TMEM132C: variants seen among roughly 807,000 people sequenced by gnomAD.
TMEM132C encodes transmembrane protein 132C.
TMEM132C carries 29 observed loss-of-function variants against 61.4 expected under a neutral mutation model. That is an observed-to-expected ratio of 0.47 (90% CI 0.35 to 0.64). TMEM132C has a LOEUF of 0.64. Ranked by LOEUF, TMEM132C falls within the 30% of genes least tolerant of loss-of-function variation. The pLI is 0.00. For synonymous variants in TMEM132C, 656 were observed against 633.1 expected, an observed-to-expected ratio of 1.04 and a Z score of -0.54; for missense variants, 1,408 against 1,476.9, an observed-to-expected ratio of 0.95 and a Z score of 0.76.
chr12:128,595,378 T>A (rs938870605), intron 3 of TMEM132C, among the ~76,000 whole-genome samples: 4 of 152,190 alleles, frequency 2.6e-5, no homozygotes, highest in African/African-American at 4.8e-5. Context: ...TCCCAAAGTG[T>A]TGGTGCCAAA....
At chr12:128,505,837 G>A (rs1292931695) in intron 2 of TMEM132C, among the ~76,000 whole-genome samples, 1 of 152,102 alleles carries the variant, frequency 6.6e-6, no homozygotes, top group East Asian at 1.9e-4. Flanking sequence ...CCTCCCTCCT[G>A]GAAGACAGCT....
intron 2 of TMEM132C, among the ~76,000 whole-genome samples, chr12:128,475,927 G>T (rs1395304723): frequency 6.6e-6 from 1 of 152,134 alleles, no homozygotes; most frequent in East Asian, 1.9e-4. Context: ...GGAGGTAGGT[G>T]GTTCACTGTC....
intron 3 of TMEM132C, among the ~76,000 whole-genome samples, chr12:128,558,005 C>T (rs569065772): frequency 2.6e-5 from 4 of 152,310 alleles, no homozygotes; most frequent in African/African-American, 9.6e-5. Context: ...CGGTTTCGCG[C>T]ACATTAGTCA....
At chr12:128,406,990 G>C (rs925569829) in intron 1 of TMEM132C, among the ~76,000 whole-genome samples, 4 of 152,186 alleles carry the variant, frequency 2.6e-5, no homozygotes, top group African/African-American at 9.7e-5. Flanking sequence ...TAAGATTGTT[G>C]TGAAGAGCTA....
intron 4 of TMEM132C, among the ~76,000 whole-genome samples, chr12:128,633,620 C>A (rs1310758260): frequency 6.6e-6 from 1 of 152,100 alleles, no homozygotes; most frequent in Non-Finnish European, 1.5e-5. Context: ...GATCCTAAGA[C>A]CAGGAATTCT....
At chr12:128,349,372 C>T (rs1393828904) in intron 1 of TMEM132C, among the ~76,000 whole-genome samples, 1 of 152,154 alleles carries the variant, frequency 6.6e-6, no homozygotes, top group East Asian at 1.9e-4. Flanking sequence ...AGCTGCCTGC[C>T]AGGTGAGCAT....
chr12:128,602,036 C>T (rs1383783636), intron 3 of TMEM132C, among the ~76,000 whole-genome samples: 1 of 152,046 alleles, frequency 6.6e-6, no homozygotes, highest in Non-Finnish European at 1.5e-5. Flanking sequence ...CCGAGACCCT[C>T]TCTCTATAAA....
At chr12:128,298,021 C>T (rs961418925) in intron 1 of TMEM132C, among the ~76,000 whole-genome samples, 22 of 152,202 alleles carry the variant, frequency 1.4e-4, no homozygotes, top group Non-Finnish European at 3.2e-4. Flanking sequence ...GTGTGACAGC[C>T]TGTGGGGTAA....
intron 2 of TMEM132C, among the ~76,000 whole-genome samples, chr12:128,503,843 A>G (rs1466501964): frequency 6.6e-6 from 1 of 152,208 alleles, no homozygotes; most frequent in East Asian, 1.9e-4. Context: ...GGTGTTATTC[A>G]GCAAATCACC....
chr12:128,608,187 G>A (rs1374393806), intron 3 of TMEM132C, among the ~76,000 whole-genome samples: 1 of 152,206 alleles, frequency 6.6e-6, no homozygotes, highest in Non-Finnish European at 1.5e-5. Flanking sequence ...GCTTCCACTT[G>A]GTGGGTAGTC....
At position 128,311,147 on chromosome 12, in the gene TMEM132C, G is replaced by T. The variant is rs1347865844; in HGVS notation, c.85+43660G>T. On this transcript the variant is annotated intron_variant, in intron 1 of 8. Coordinates refer to ENST00000435159, the MANE Select transcript of TMEM132C (RefSeq NM_001136103.3). ...GTGTGGCTTGCCACAGAGCTAATTA[G>T]TCAGACCTAGACCGCAGAAATCTGC... Among the ~76,000 whole-genome samples, 5 of 152,240 alleles carry T rather than the reference G, an allele frequency of 3.3e-5. 1 individual carries two copies. Among genetic ancestry groups the T allele is most frequent in the African/African-American group, 1.2e-4 (5 of 41,466 alleles).
intron 5 of TMEM132C, among the ~76,000 whole-genome samples, chr12:128,671,033 T>C (rs1303905674): frequency 6.6e-6 from 1 of 152,170 alleles, no homozygotes; most frequent in Non-Finnish European, 1.5e-5. Context: ...GGTAACTGTT[T>C]AAAAGCACCC....
At chr12:128,550,171 G>C (rs1318294763) in intron 3 of TMEM132C, among the ~76,000 whole-genome samples, 4 of 152,214 alleles carry the variant, frequency 2.6e-5, no homozygotes, top group Non-Finnish European at 5.9e-5. Flanking sequence ...GAAAGTCCGA[G>C]GTCAGGGTGC....
At chr12:128,675,834 AT>A (rs1278475968) in intron 5 of TMEM132C, among the ~76,000 whole-genome samples, 4 of 146,132 alleles carry the variant, frequency 2.7e-5, no homozygotes, top group South Asian at 2.2e-4. Context: ...ATTTAGATAG[AT>A]AGAAGATAGA....
intron 4 of TMEM132C, among the ~76,000 whole-genome samples, chr12:128,650,368 C>T (rs377591269): frequency 2.0e-5 from 3 of 152,004 alleles, no homozygotes; most frequent in Non-Finnish European, 4.4e-5. Flanking sequence ...GTAAGAGTCT[C>T]ATTAAAAGGA....
chr12:128,645,588 C>T (rs1954190182), intron 4 of TMEM132C, among the ~76,000 whole-genome samples: 1 of 152,258 alleles, frequency 6.6e-6, no homozygotes, highest in Admixed American at 6.5e-5. Flanking sequence ...CAAATTCTCT[C>T]TCCTGATAGC....
chr12:128,295,234 C>A (rs1345396971), intron 1 of TMEM132C, among the ~76,000 whole-genome samples: 1 of 152,108 alleles, frequency 6.6e-6, no homozygotes, highest in Non-Finnish European at 1.5e-5. Context: ...TGCAGTGGCA[C>A]AATCACAACT....
chr12:128,379,228 A>G (rs1017101962), intron 1 of TMEM132C, among the ~76,000 whole-genome samples: 6 of 152,198 alleles, frequency 3.9e-5, no homozygotes, highest in African/African-American at 1.2e-4. Flanking sequence ...GAAAGGAAAG[A>G]TAGGGGTCAC....
At chr12:128,593,472 C>T (rs1199195806) in intron 3 of TMEM132C, among the ~76,000 whole-genome samples, 6 of 152,184 alleles carry the variant, frequency 3.9e-5, no homozygotes, top group African/African-American at 1.2e-4. Context: ...CTGCAGATTG[C>T]GATGTGGAGA....
Sources: allele counts gnomAD v4.1 joint callset (sites outside exome capture counted in the v4.1 genomes callset), GRCh38; gene constraint gnomAD v4.1.1; transcripts MANE v1.5; gene names NCBI Gene and HGNC (gene_info 2026-07-23, HGNC 2026-07-21).